MOGAT1: variants seen among roughly 807,000 people sequenced by gnomAD.
MOGAT1 encodes 2-acylglycerol O-acyltransferase 1.
A neutral mutation model predicts 31.4 loss-of-function variants in MOGAT1; 32 were observed. The observed-to-expected ratio is 1.02, with a 90% CI of 0.77 to 1.37. MOGAT1 has a LOEUF of 1.37. Among genes scored for constraint, MOGAT1 ranks in the 40% most tolerant of loss-of-function variants. MOGAT1 has a pLI of 0.00. For synonymous variants in MOGAT1, 145 were observed against 144.5 expected (o/e 1.00, Z -0.03); for missense variants, 426 against 402.0 (o/e 1.06, Z -0.51).
Position 222,689,421 on chromosome 2 carries a change from C to T in MOGAT1, c.430C>T (p.Pro144Ser). 1.2e-6 allele frequency: 2 copies of T among 1,613,768 alleles called. No homozygotes were observed. The highest frequency in any genetic ancestry group is 1.7e-6 in the Non-Finnish European group (2 of 1,179,870). ...PGFTSYLHVL[P>S]LWFWCPVFRE... ...CTTTACTTCATATCTTCACGTGCTG[C>T]CACTTTGGTTCTGGTGTCCTGTCTT... is the stretch of plus-strand genomic sequence containing the variant. Residue 144 changes from proline (P) to serine (S), a missense_variant, in exon 3 of 6, where the codon CCA becomes TCA. Physicochemically the swap from Pro to Ser is moderately conservative, Grantham distance 74 (BLOSUM62 -1). Coordinates refer to ENST00000446656, the MANE Select transcript of MOGAT1 (RefSeq NM_058165.3).
Position 222,671,864 on chromosome 2 carries a change from A to C in MOGAT1, c.79A>C (p.Lys27Gln), listed in dbSNP as rs368078304. Residue 27 changes from lysine (K) to glutamine (Q), a missense_variant, in exon 1 of 6, where the codon AAA becomes CAA. Physicochemically the swap from Lys to Gln is moderately conservative, Grantham distance 53 (BLOSUM62 1). Coordinates refer to ENST00000446656, the MANE Select transcript of MOGAT1 (RefSeq NM_058165.3). Reference sequence around the variant, plus strand: ...GGTGGCCGTGCTGCAGTGGGTCCTGAAATACCTGCTGCTCGGTAAGGACCC... The same window carrying C: ...GGTGGCCGTGCTGCAGTGGGTCCTGCAATACCTGCTGCTCGGTAAGGACCC... The part of the protein sequence containing the change: ...QTVAVLQWVL[K>Q]YLLLGPMSIG... 5.9e-5 allele frequency: 92 copies of C among 1,551,554 alleles called. No homozygotes were observed. The East Asian group carries it at 1.3e-3, about 22-fold the overall frequency.
chr2:222,702,712 C>T (rs997873243), intron 5 of MOGAT1, among the ~76,000 whole-genome samples: 2 of 151,226 alleles, frequency 1.3e-5, no homozygotes, highest in Non-Finnish European at 2.9e-5. Context: ...CACTGTGTTT[C>T]AAGTCACTTT....
At chr2:222,674,876 G>A (rs1488623855) in intron 1 of MOGAT1, among the ~76,000 whole-genome samples, 3 of 151,680 alleles carry the variant, frequency 2.0e-5, no homozygotes, top group Non-Finnish European at 4.4e-5. Flanking sequence ...TCCTTATGTT[G>A]CCCTGGCTGG....
chr2:222,695,290 T>G lies in MOGAT1; in HGVS notation c.853+2T>G. The stretch of plus-strand genomic sequence containing the variant: ...ATAGGAAAGCCATCCACACTGTTGG[T>G]ATGTACATAAAATAACTACAACTAT... On this transcript the variant is annotated splice_donor_variant, in intron 5 of 5. Coordinates refer to ENST00000446656, the MANE Select transcript of MOGAT1 (RefSeq NM_058165.3). LOFTEE classifies it high-confidence loss of function. The G allele has an allele frequency of 5.7e-6, 9 of 1,592,834 alleles. No individual in the cohort carries two copies. The South Asian group carries it at 1.0e-4, about 18-fold the overall frequency.
In MOGAT1 at chr2:222,671,880, GT is replaced by G. The variant is rs2106028519; in HGVS notation, c.94+2del. The G allele has an allele frequency of 1.3e-6, 2 of 1,550,564 alleles. No homozygotes were observed. The highest frequency in any genetic ancestry group is 4.9e-5 in the East Asian group (2 of 40,900). On this transcript the variant is annotated splice_donor_variant, in intron 1 of 5. Coordinates refer to ENST00000446656, the MANE Select transcript of MOGAT1 (RefSeq NM_058165.3). LOFTEE classifies it high-confidence loss of function. ...TGGGTCCTGAAATACCTGCTGCTCGGTAAGGACCCCGCCCCCCGGGCCGCGG... is the reference window on the plus strand; with the variant it reads ...TGGGTCCTGAAATACCTGCTGCTCGGAAGGACCCCGCCCCCCGGGCCGCGG...
chr2:222,675,117 T>C (rs564620606), intron 1 of MOGAT1, among the ~76,000 whole-genome samples: 1 of 152,388 alleles, frequency 6.6e-6, no homozygotes, highest in African/African-American at 2.4e-5. Flanking sequence ...TTGACATGGG[T>C]CCTGCAGGAT....
At chr2:222,694,226 A>G (rs1485194968) in intron 3 of MOGAT1, 136 bp from the exon 4 acceptor site, 10 of 762,410 alleles carry the variant, frequency 1.3e-5, no homozygotes, top group Non-Finnish European at 1.8e-5. Context: ...AAAAATTACA[A>G]ACTTACAAAG....
At chr2:222,700,566 A>G (rs1176359736) in intron 5 of MOGAT1, among the ~76,000 whole-genome samples, 1 of 152,246 alleles carries the variant, frequency 6.6e-6, no homozygotes, top group Non-Finnish European at 1.5e-5. Flanking sequence ...TGTTTTGTAT[A>G]TGTTTCATAA....
chr2:222,709,677 G>T, intron 5 of MOGAT1, 59 bp from the exon 6 acceptor site: 1 of 1,512,356 alleles, frequency 6.6e-7, no homozygotes, highest in South Asian at 1.2e-5. Context: ...CATTAGGGGC[G>T]GCGGTCTGTG....
intron 5 of MOGAT1, among the ~76,000 whole-genome samples, chr2:222,702,467 C>T (rs1692941932): frequency 6.6e-6 from 1 of 151,860 alleles, no homozygotes; most frequent in African/African-American, 2.4e-5. Context: ...CATTGATGTC[C>T]ACAACTTACT....
intron 1 of MOGAT1, among the ~76,000 whole-genome samples, chr2:222,684,691 C>G (rs1374056407): frequency 6.6e-6 from 1 of 152,008 alleles, no homozygotes; most frequent in African/African-American, 2.4e-5. Flanking sequence ...ATTCTCCTGC[C>G]TCAGCCTCCC....
At chr2:222,692,446 G>T (rs1440776364) in intron 3 of MOGAT1, among the ~76,000 whole-genome samples, 1 of 152,194 alleles carries the variant, frequency 6.6e-6, no homozygotes, top group Non-Finnish European at 1.5e-5. Flanking sequence ...GGAGAATGTG[G>T]CTACATATGG....
At chr2:222,700,276 G>T (rs1692900520) in intron 5 of MOGAT1, among the ~76,000 whole-genome samples, 1 of 152,234 alleles carries the variant, frequency 6.6e-6, no homozygotes, top group African/African-American at 2.4e-5. Context: ...TTTGCCATTT[G>T]ATATCGCCCA....
At chr2:222,676,540 C>T (rs1254660121) in intron 1 of MOGAT1, among the ~76,000 whole-genome samples, 1 of 152,080 alleles carries the variant, frequency 6.6e-6, no homozygotes, top group Non-Finnish European at 1.5e-5. Flanking sequence ...TGAATAATAC[C>T]ACTGTGAACT....
At chr2:222,680,300 T>C (rs1692558072) in intron 1 of MOGAT1, among the ~76,000 whole-genome samples, 1 of 152,228 alleles carries the variant, frequency 6.6e-6, no homozygotes, top group Non-Finnish European at 1.5e-5. Flanking sequence ...TATAGAAACC[T>C]TCCTGAAAGA....
chr2:222,688,251 C>T, intron 1 of MOGAT1, 93 bp from the exon 2 acceptor site: 2 of 916,644 alleles, frequency 2.2e-6, no homozygotes, highest in Non-Finnish European at 3.2e-6. Flanking sequence ...CTCAGTTTGA[C>T]ATATCTTATA....
chr2:222,688,755 C>T (rs762006986), intron 2 of MOGAT1, among the ~76,000 whole-genome samples: 3 of 152,176 alleles, frequency 2.0e-5, no homozygotes, highest in Non-Finnish European at 4.4e-5. Context: ...TGGCAAGAGC[C>T]TTCCTGCTGC....
intron 1 of MOGAT1, chr2:222,677,721 C>A: frequency 9.6e-6 from 4 of 414,878 alleles, no homozygotes; most frequent in South Asian, 4.0e-5. Context: ...CTTTCCGTGT[C>A]GATTCTGGTG....
At chr2:222,709,158 C>CA (rs546621653) in intron 5 of MOGAT1, among the ~76,000 whole-genome samples, 82 of 148,886 alleles carry the variant, frequency 5.5e-4, no homozygotes, top group African/African-American at 1.5e-3. Flanking sequence ...ACTGAAAATA[C>CA]AAAAAAAAAA....
Sources: gnomAD v4.1 joint callset for allele counts (sites outside exome capture counted in the v4.1 genomes callset) on GRCh38, gnomAD v4.1.1 for gene constraint, MANE v1.5 for transcripts, NCBI Gene and HGNC (gene_info 2026-07-23, HGNC 2026-07-21) for gene names.